The following UNC79 variants were observed in gnomAD, a reference collection of about 807,000 sequenced individuals.
UNC79 encodes the protein protein unc-79 homolog.
Under a neutral mutation model 283.1 loss-of-function variants are expected in UNC79, and 37 were observed. The ratio of observed to expected loss-of-function variants is 0.13; its 90% CI spans 0.10 to 0.17. The LOEUF (loss-of-function observed/expected upper bound fraction) is 0.17, where lower values mean the gene tolerates loss of function less well. Ranked by LOEUF, UNC79 falls within the 10% of genes least tolerant of loss-of-function variation. The pLI is 1.00. For synonymous variants in UNC79, 1,107 were observed against 1,200.2 expected, an observed-to-expected ratio of 0.92 and a Z score of 1.61; for missense variants, 2,272 against 3,211.1, an observed-to-expected ratio of 0.71 and a Z score of 7.07.
At chr14:93,340,441 C>CAAA (rs1193751068) in intron 1 of UNC79, among the ~76,000 whole-genome samples, 2,395 of 63,380 alleles carry the variant, frequency 0.038, 145 homozygotes, top group African/African-American at 0.12. Context: ...AACGCTGTCT[C>CAAA]AAAAAAAAAA....
intron 8 of UNC79, among the ~76,000 whole-genome samples, chr14:93,527,230 C>T (rs180754760): frequency 7.2e-5 from 11 of 152,346 alleles, no homozygotes; most frequent in Non-Finnish European, 1.6e-4. Flanking sequence ...TGGCCCAGAG[C>T]CAAATCTGGC....
chr14:93,703,094 G>C (rs898544565), intron 47 of UNC79, among the ~76,000 whole-genome samples: 2 of 152,204 alleles, frequency 1.3e-5, no homozygotes, highest in South Asian at 4.1e-4. Flanking sequence ...TTCTAAACTT[G>C]TTTTTCATGG....
intron 1 of UNC79, among the ~76,000 whole-genome samples, chr14:93,365,205 G>A (rs1429676585): frequency 6.6e-6 from 1 of 152,050 alleles, no homozygotes; most frequent in African/African-American, 2.4e-5. Context: ...GGCCAACATG[G>A]TGAAACCCTG....
intron 5 of UNC79, among the ~76,000 whole-genome samples, chr14:93,490,650 C>T (rs2058679721): frequency 6.6e-6 from 1 of 152,194 alleles, no homozygotes; most frequent in Admixed American, 6.5e-5. Context: ...TCTGAGATCG[C>T]ATCAGAATTG....
In UNC79 at chr14:93,542,398, A is replaced by T. The variant is rs985649830; in HGVS notation, c.1525-68A>T. On this transcript the variant is annotated intron_variant, in intron 13 of 48. Transcript: ENST00000555664. Reference sequence around the variant, plus strand: ...TTTTTATTTTTATTTTTTGCCTCTTAATGCACCTATAATAATTTTGTAAAG... The same window carrying T: ...TTTTTATTTTTATTTTTTGCCTCTTTATGCACCTATAATAATTTTGTAAAG... 4 of 1,463,794 alleles carry T rather than the reference A, an allele frequency of 2.7e-6. No individual in the cohort carries two copies. The African/African-American group carries it at 4.2e-5, about 16-fold the overall frequency. The allele number at this position is 1,463,794 out of a possible 1,614,324, so 90.7% of individuals were successfully genotyped here. A position where few individuals can be genotyped will look rare whatever the true frequency, so the allele number is the denominator to read the frequency against.
intron 18 of UNC79, among the ~76,000 whole-genome samples, chr14:93,579,588 G>A (rs1038220296): frequency 3.3e-5 from 5 of 152,138 alleles, no homozygotes; most frequent in Non-Finnish European, 7.4e-5. Flanking sequence ...GTATTTTGAT[G>A]CTCGTATTGT....
chr14:93,643,591 G>A lies in UNC79; in HGVS notation c.5938G>A (p.Asp1980Asn), dbSNP rs778086735. ...CTGTGGGGCCATTCTTGAAGAATAC[G>A]ATGAAGAGACACTTGGGCTAGCCAT... Residue 1980 changes from aspartate to asparagine, a missense_variant, in exon 34 of 49, where the codon GAT becomes AAT. Asp to Asn is a conservative substitution (Grantham distance 23). Transcript: ENST00000555664. 7.4e-6 allele frequency: 12 copies of A among 1,613,832 alleles called. No individual in the cohort carries two copies. The South Asian group carries it at 8.8e-5, about 12-fold the overall frequency.
exon 42 of UNC79, chr14:93,682,656 A>G (rs2073938213): frequency 6.2e-7 from 1 of 1,614,086 alleles, no homozygotes; most frequent in East Asian, 2.2e-5. Context: ...AGCTGAGTCA[A>G]CAATCCTGAG....
intron 11 of UNC79, among the ~76,000 whole-genome samples, chr14:93,534,176 G>A (rs2060957593): frequency 6.6e-6 from 1 of 152,168 alleles, no homozygotes; most frequent in Non-Finnish European, 1.5e-5. Context: ...CTGTCTCCAG[G>A]AATAGCATAC....
At chr14:93,572,752 T>C in exon 16 of UNC79, 1 of 1,614,170 alleles carries the variant, frequency 6.2e-7, no homozygotes, top group Non-Finnish European at 8.5e-7. Context: ...ATGTTTGGTT[T>C]TATTAGTTGT....
At chr14:93,650,358 A>T (rs1040135237) in intron 35 of UNC79, among the ~76,000 whole-genome samples, 1 of 152,102 alleles carries the variant, frequency 6.6e-6, no homozygotes, top group African/African-American at 2.4e-5. Flanking sequence ...CAGGATAGGT[A>T]TATGTTTAAT....
chr14:93,399,992 TTAGGGA>T (rs2055074631), intron 1 of UNC79, among the ~76,000 whole-genome samples: 2 of 152,174 alleles, frequency 1.3e-5, no homozygotes, highest in African/African-American at 4.8e-5. Context: ...CCTGGGAGTT[TTAGGGA>T]CTTTAGAAGC....
chr14:93,547,370 A>C (rs2061650846), intron 14 of UNC79, among the ~76,000 whole-genome samples: 1 of 151,152 alleles, frequency 6.6e-6, no homozygotes, highest in Non-Finnish European at 1.5e-5. Context: ...ATAGGTAAGA[A>C]CAAATCCTTT....
At chr14:93,607,176 T>A (rs977146086) in intron 26 of UNC79, among the ~76,000 whole-genome samples, 10 of 152,192 alleles carry the variant, frequency 6.6e-5, no homozygotes, top group African/African-American at 2.4e-4. Flanking sequence ...AGAATACTGA[T>A]GAAGATTAAT....
At chr14:93,554,023 G>A (rs2062028033) in intron 14 of UNC79, among the ~76,000 whole-genome samples, 1 of 152,174 alleles carries the variant, frequency 6.6e-6, no homozygotes, top group South Asian at 2.1e-4. Flanking sequence ...CTTTCACAGA[G>A]AGAGGACTCA....
intron 47 of UNC79, among the ~76,000 whole-genome samples, chr14:93,697,647 T>C (rs2075244647): frequency 6.6e-6 from 1 of 152,164 alleles, no homozygotes; most frequent in Non-Finnish European, 1.5e-5. Flanking sequence ...GGCTCATGCC[T>C]GTAATCCTAG....
At chr14:93,431,868 C>G (rs1456887823) in intron 1 of UNC79, among the ~76,000 whole-genome samples, 3 of 152,138 alleles carry the variant, frequency 2.0e-5, no homozygotes, top group Admixed American at 2.0e-4. Context: ...CACTAGTAGG[C>G]CTTCGGTGTG....
chr14:93,707,426 G>A (rs2075938715), downstream of UNC79: 3 of 152,812 alleles, frequency 2.0e-5, no homozygotes, highest in Admixed American at 1.3e-4. Flanking sequence ...TAGAAATTAG[G>A]TGGTTAAACT....
intron 1 of UNC79, among the ~76,000 whole-genome samples, chr14:93,347,691 CGGGGCTGT>C (rs2053889264): frequency 6.6e-6 from 1 of 151,914 alleles, no homozygotes; most frequent in Non-Finnish European, 1.5e-5. Flanking sequence ...GGCTCGGGGG[CGGGGCTGT>C]GGTTTCGCGG....
Sources: gnomAD v4.1 joint callset for allele counts (sites outside exome capture counted in the v4.1 genomes callset) on GRCh38, gnomAD v4.1.1 for gene constraint, MANE v1.5 for transcripts, NCBI Gene and HGNC (gene_info 2026-07-23, HGNC 2026-07-21) for gene names.